DLC1: variants seen among roughly 807,000 people sequenced by gnomAD.
DLC1 encodes rho GTPase-activating protein 7.
A neutral mutation model predicts 140.3 loss-of-function variants in DLC1; 54 were observed. The observed-to-expected ratio is 0.38, with a 90% CI of 0.31 to 0.48. The LOEUF (loss-of-function observed/expected upper bound fraction) is 0.48, where lower values mean the gene tolerates loss of function less well. DLC1 is among the 20% of genes least tolerant of loss of function. DLC1 has a pLI of 0.96. For missense variants in DLC1, 2,536 were observed against 1,907.0 expected (o/e 1.33, Z -6.14); for synonymous variants, 986 against 728.1 (o/e 1.35, Z -5.70).
intron 5 of DLC1, among the ~76,000 whole-genome samples, chr8:13,210,897 A>G (rs1293325710): frequency 3.3e-5 from 5 of 152,220 alleles, no homozygotes; most frequent in African/African-American, 4.8e-5. Context: ...TTAGTTTTAA[A>G]TCATTTCATC....
chr8:13,525,312 C>A (rs993309234), intron 1 of DLC1, among the ~76,000 whole-genome samples: 4 of 152,162 alleles, frequency 2.6e-5, no homozygotes, highest in African/African-American at 9.7e-5. Flanking sequence ...TATTCATGTG[C>A]AAGTCATTGT....
intron 2 of DLC1, among the ~76,000 whole-genome samples, chr8:13,404,810 C>A (rs1005215977): frequency 6.6e-6 from 1 of 151,864 alleles, no homozygotes; most frequent in Non-Finnish European, 1.5e-5. Flanking sequence ...CCAGCCTGGC[C>A]AACATGGTGA....
chr8:13,090,188 A>G, intron 15 of DLC1, 64 bp downstream of exon 15: 1 of 1,491,686 alleles, frequency 6.7e-7, no homozygotes, highest in Non-Finnish European at 9.1e-7. Context: ...AAAGCGTGTT[A>G]TCTCTGATGG....
At chr8:13,247,539 A>G (rs758690353) in intron 5 of DLC1, among the ~76,000 whole-genome samples, 17 of 152,180 alleles carry the variant, frequency 1.1e-4, no homozygotes, top group Non-Finnish European at 2.2e-4. Flanking sequence ...TGAGGACACC[A>G]AAGCCCAGAG....
chr8:13,529,310 A>G (rs1803021614), intron 1 of DLC1, among the ~76,000 whole-genome samples: 1 of 152,178 alleles, frequency 6.6e-6, no homozygotes, highest in Non-Finnish European at 1.5e-5. Flanking sequence ...TTAACTTGTC[A>G]CCTGATAATT....
At chr8:13,090,497 G>C (rs939282365) in intron 14 of DLC1, 27 bp from the exon 15 acceptor site, 1 of 1,611,232 alleles carries the variant, frequency 6.2e-7, no homozygotes. Flanking sequence ...AGACAGAAAG[G>C]AGGTGAGTCC....
At chr8:13,544,289 G>C (rs1023094993) in intron 1 of DLC1, among the ~76,000 whole-genome samples, 1 of 151,860 alleles carries the variant, frequency 6.6e-6, no homozygotes, top group African/African-American at 2.4e-5. Context: ...GCAACCCAGA[G>C]ACCAGAAGGT....
rs778928186 is a variant in DLC1, at chr8:13,100,476, C to A, written c.1861G>T (p.Val621Phe). ...TTGCTGGAGGAGCAAACGCTGATGACGGAGTTAGTCCGGGGGGTGGCAGCA... is the reference window on the plus strand; with the variant it reads ...TTGCTGGAGGAGCAAACGCTGATGAAGGAGTTAGTCCGGGGGGTGGCAGCA... ...EDAATPRTNS[V>F]ISVCSSSNLA... The change falls in exon 9 of 18, where the codon GTC (valine) becomes TTC (phenylalanine). Residue 621 changes from valine (V) to phenylalanine (F), a missense_variant. Val to Phe is a conservative substitution (Grantham distance 50). Transcript: ENST00000276297. 2.5e-6 allele frequency: 4 copies of A among 1,613,046 alleles called. No individual in the cohort carries two copies. The highest frequency in any genetic ancestry group is 3.4e-6 in the Non-Finnish European group (4 of 1,179,994).
At chr8:13,507,042 C>T (rs372976174) in intron 1 of DLC1, among the ~76,000 whole-genome samples, 1 of 152,126 alleles carries the variant, frequency 6.6e-6, no homozygotes, top group Non-Finnish European at 1.5e-5. Flanking sequence ...AACCTGGAAA[C>T]AGACATGATC....
At chr8:13,133,348 G>T in intron 5 of DLC1, 2 of 1,123,952 alleles carry the variant, frequency 1.8e-6, no homozygotes, top group Non-Finnish European at 2.2e-6. Context: ...CGAGGGGCGG[G>T]GCCAGAGCGG....
Position 13,508,459 on chromosome 8 carries a change from C to T in DLC1, c.-126+6143G>A, listed in dbSNP as rs558533851. Among the ~76,000 whole-genome samples the T allele has an allele frequency of 1.7e-3, 256 of 151,280 alleles. 1 individual carries two copies. The highest frequency in any genetic ancestry group is 6.0e-3 in the African/African-American group (250 of 41,330). On this transcript the variant is annotated intron_variant, in intron 1 of 17. Transcript: ENST00000276297. ...TTGAGACGGAGTCTCGCTCTGTCGC[C>T]CAGGCTGGAGTGCAGTGGCGCGATC...
At chr8:13,569,379 A>G (rs574745609) in intron 1 of DLC1, among the ~76,000 whole-genome samples, 1 of 152,278 alleles carries the variant, frequency 6.6e-6, no homozygotes, top group African/African-American at 2.4e-5. Flanking sequence ...TCCCCCATAA[A>G]ATTTAGCATA....
At chr8:13,199,519 C>A (rs1266190937) in intron 5 of DLC1, among the ~76,000 whole-genome samples, 1 of 152,150 alleles carries the variant, frequency 6.6e-6, no homozygotes, top group Non-Finnish European at 1.5e-5. Context: ...ATCATGCCCC[C>A]TGGGAAGTTT....
intron 2 of DLC1, among the ~76,000 whole-genome samples, chr8:13,402,436 G>A (rs1303142643): frequency 6.6e-6 from 1 of 152,138 alleles, no homozygotes; most frequent in Non-Finnish European, 1.5e-5. Context: ...AAGGTATTAG[G>A]ATGGGGTACG....
intron 4 of DLC1, among the ~76,000 whole-genome samples, chr8:13,309,849 T>G (rs1832600786): frequency 6.6e-6 from 1 of 152,192 alleles, no homozygotes; most frequent in African/African-American, 2.4e-5. Context: ...TCTTGTCAAT[T>G]GAAACATTCT....
intron 5 of DLC1, among the ~76,000 whole-genome samples, chr8:13,212,212 A>C (rs759162307): frequency 2.6e-5 from 4 of 152,184 alleles, no homozygotes; most frequent in Admixed American, 1.3e-4. Context: ...GCTTTTTAAA[A>C]ATATCAGGAT....
intron 2 of DLC1, among the ~76,000 whole-genome samples, chr8:13,494,506 G>A (rs78766596): frequency 0.034 from 5,216 of 152,232 alleles, 291 homozygotes; most frequent in African/African-American, 0.12. Context: ...AGAGCAGAGA[G>A]GGTAGATAAA....
At chr8:13,281,903 A>C (rs184257568) in intron 5 of DLC1, among the ~76,000 whole-genome samples, 1 of 152,348 alleles carries the variant, frequency 6.6e-6, no homozygotes, top group African/African-American at 2.4e-5. Context: ...CTTGCCTGTG[A>C]AAAAGAAGAC....
intron 5 of DLC1, chr8:13,276,391 G>C: frequency 6.7e-7 from 1 of 1,499,456 alleles, no homozygotes; most frequent in Non-Finnish European, 8.9e-7. Context: ...TGGGCCTTGG[G>C]GTCCCCCATC....
Sources: gnomAD v4.1 joint callset for allele counts (sites outside exome capture counted in the v4.1 genomes callset) on GRCh38, gnomAD v4.1.1 for gene constraint, MANE v1.5 for transcripts, NCBI Gene and HGNC (gene_info 2026-07-23, HGNC 2026-07-21) for gene names.